The following DPYD variants were observed in gnomAD, a reference collection of about 807,000 sequenced individuals.
The protein encoded by DPYD is dihydropyrimidine dehydrogenase.
Under a neutral mutation model 116.2 loss-of-function variants are expected in DPYD, and 109 were observed. The ratio of observed to expected loss-of-function variants is 0.94; its 90% CI spans 0.80 to 1.10. The LOEUF (loss-of-function observed/expected upper bound fraction) is 1.10, where lower values mean the gene tolerates loss of function less well. DPYD is among the 50% of genes least tolerant of loss of function. The pLI is 0.00. For synonymous variants in DPYD, 440 were observed against 432.0 expected, an observed-to-expected ratio of 1.02 and a Z score of -0.23; for missense variants, 1,302 against 1,254.5, an observed-to-expected ratio of 1.04 and a Z score of -0.57.
intron 1 of DPYD, among the ~76,000 whole-genome samples, chr1:97,909,397 TA>T (rs1223227172): frequency 1.3e-5 from 2 of 152,114 alleles, no homozygotes; most frequent in African/African-American, 4.8e-5. Flanking sequence ...ACTCTTCCCT[TA>T]ATATATGTAC....
chr1:97,766,505 T>G (rs950171762), intron 3 of DPYD, among the ~76,000 whole-genome samples: 1 of 152,060 alleles, frequency 6.6e-6, no homozygotes, highest in Non-Finnish European at 1.5e-5. Flanking sequence ...AGTCTTCCCA[T>G]TTGGCAAAAG....
chr1:97,767,905 T>G (rs150577185), intron 3 of DPYD, among the ~76,000 whole-genome samples: 2 of 152,206 alleles, frequency 1.3e-5, no homozygotes, highest in Non-Finnish European at 2.9e-5. Context: ...TAGATAATCA[T>G]TTTAGGTTCT....
chr1:97,135,097 G>T (rs1269825614), intron 20 of DPYD, among the ~76,000 whole-genome samples: 1 of 151,868 alleles, frequency 6.6e-6, no homozygotes, highest in Non-Finnish European at 1.5e-5. Flanking sequence ...ATTAAGTTTG[G>T]TCACCAAGAA....
chr1:97,832,743 GGTC>G (rs1421478243), intron 2 of DPYD, among the ~76,000 whole-genome samples: 1 of 152,084 alleles, frequency 6.6e-6, no homozygotes, highest in African/African-American at 2.4e-5. Context: ...GTTGAGGGAA[GGTC>G]TAGAGTTTCA....
intron 2 of DPYD, among the ~76,000 whole-genome samples, chr1:97,846,827 T>G (rs1477846098): frequency 1.3e-5 from 2 of 152,234 alleles, no homozygotes; most frequent in African/African-American, 4.8e-5. Flanking sequence ...GACTATTATT[T>G]GTTCACCTAT....
chr1:97,865,900 C>T (rs1219281328), intron 2 of DPYD, among the ~76,000 whole-genome samples: 1 of 151,880 alleles, frequency 6.6e-6, no homozygotes, highest in Admixed American at 6.6e-5. Flanking sequence ...TCTATTTTTT[C>T]ATTATTCATT....
intron 16 of DPYD, among the ~76,000 whole-genome samples, chr1:97,344,159 A>G (rs1483220311): frequency 6.6e-6 from 1 of 151,876 alleles, no homozygotes; most frequent in Non-Finnish European, 1.5e-5. Context: ...ATAATTTATT[A>G]TTGGTCATTA....
intron 20 of DPYD, among the ~76,000 whole-genome samples, chr1:97,113,255 CT>C (rs1651733442): frequency 6.6e-6 from 1 of 152,126 alleles, no homozygotes; most frequent in Non-Finnish European, 1.5e-5. Context: ...AGCGGGCTCT[CT>C]GTTATCTAGG....
intron 14 of DPYD, among the ~76,000 whole-genome samples, chr1:97,415,051 C>T (rs959024301): frequency 6.6e-6 from 1 of 152,066 alleles, no homozygotes; most frequent in Non-Finnish European, 1.5e-5. Flanking sequence ...TGAAGCTACC[C>T]TTCCTAAAGC....
At chr1:97,873,115 AG>A (rs1671739741) in intron 2 of DPYD, among the ~76,000 whole-genome samples, 1 of 151,932 alleles carries the variant, frequency 6.6e-6, no homozygotes, top group African/African-American at 2.4e-5. Context: ...TCGTGAAATG[AG>A]GTTAACACCT....
At chr1:97,132,648 AATC>A (rs1344320695) in intron 20 of DPYD, among the ~76,000 whole-genome samples, 6 of 152,262 alleles carry the variant, frequency 3.9e-5, no homozygotes, top group African/African-American at 1.4e-4. Flanking sequence ...TTCATGTGCA[AATC>A]ATCAAGATGA....
chr1:97,315,031 G>C (rs1667733409), intron 16 of DPYD, among the ~76,000 whole-genome samples: 1 of 152,058 alleles, frequency 6.6e-6, no homozygotes, highest in South Asian at 2.1e-4. Context: ...CAATTTAAAG[G>C]GTTAACTTTC....
intron 14 of DPYD, among the ~76,000 whole-genome samples, chr1:97,434,593 C>T (rs976025164): frequency 2.0e-5 from 3 of 152,018 alleles, no homozygotes; most frequent in Admixed American, 6.6e-5. Context: ...TTCTTCTCTT[C>T]CCTCTGGCTG....
chr1:97,084,479 C>T (rs1031833940), intron 21 of DPYD, among the ~76,000 whole-genome samples: 1 of 151,774 alleles, frequency 6.6e-6, no homozygotes, highest in Admixed American at 6.6e-5. Context: ...CTTGCCCTCT[C>T]TCCTCCATAT....
chr1:97,194,420 G>A (rs190114220), intron 19 of DPYD, among the ~76,000 whole-genome samples: 3 of 152,154 alleles, frequency 2.0e-5, no homozygotes, highest in Admixed American at 2.0e-4. Context: ...TAAGTTTCCC[G>A]AGGCCTCCCC....
chr1:97,194,635 G>C (rs1262359335), intron 19 of DPYD, among the ~76,000 whole-genome samples: 1 of 151,948 alleles, frequency 6.6e-6, no homozygotes, highest in Non-Finnish European at 1.5e-5. Context: ...CTCTCGAGTA[G>C]CTGGGACTAC....
In DPYD at chr1:97,174,613, T is replaced by C. The variant is rs944038142; in HGVS notation, c.2622+18456A>G. 4.6e-5 allele frequency among the ~76,000 whole-genome samples: 7 copies of C among 152,336 alleles called. No homozygotes were observed. In the East Asian group the frequency reaches 9.7e-4, roughly 21 times the overall value. On this transcript the variant is annotated intron_variant, in intron 20 of 22. Coordinates refer to ENST00000370192, the MANE Select transcript of DPYD (RefSeq NM_000110.4). ...CCAGTGGTTAACTTCATAAGGTTTT[T>C]AGTTCCCAAAGGCTACCTGATTAAA...
chr1:97,616,714 T>C (rs1656288673), intron 8 of DPYD, among the ~76,000 whole-genome samples: 1 of 152,118 alleles, frequency 6.6e-6, no homozygotes, highest in African/African-American at 2.4e-5. Context: ...AGAAGAAATA[T>C]ATATCCTAGG....
At chr1:97,793,859 G>A (rs1359648829) in intron 3 of DPYD, among the ~76,000 whole-genome samples, 2 of 152,106 alleles carry the variant, frequency 1.3e-5, no homozygotes, top group African/African-American at 2.4e-5. Flanking sequence ...ACAAGAAATT[G>A]ATAAATTTAA....
Sources: gnomAD v4.1 joint callset for allele counts (sites outside exome capture counted in the v4.1 genomes callset) on GRCh38, gnomAD v4.1.1 for gene constraint, MANE v1.5 for transcripts, NCBI Gene and HGNC (gene_info 2026-07-23, HGNC 2026-07-21) for gene names.